CNTN4: variants seen among roughly 807,000 people sequenced by gnomAD.
CNTN4 encodes the protein contactin-4.
Under a neutral mutation model 122.5 loss-of-function variants are expected in CNTN4, and 77 were observed. That is an observed-to-expected ratio of 0.63 (90% CI 0.52 to 0.76). The LOEUF (loss-of-function observed/expected upper bound fraction) is 0.76. CNTN4 is among the 30% of genes least tolerant of loss of function. The pLI, the probability that CNTN4 is intolerant of heterozygous loss-of-function variation, is 0.00. For synonymous variants in CNTN4, 512 were observed against 447.0 expected, an observed-to-expected ratio of 1.15 and a Z score of -1.83; for missense variants, 1,256 against 1,259.1, an observed-to-expected ratio of 1.00 and a Z score of 0.04.
At chr3:2,916,197 CT>C (rs1287301205) in intron 12 of CNTN4, among the ~76,000 whole-genome samples, 1 of 151,154 alleles carries the variant, frequency 6.6e-6, no homozygotes, top group African/African-American at 2.4e-5. Flanking sequence ...TTTTCTTTTT[CT>C]TTTTTTCAAT....
chr3:2,394,127 G>A (rs1047412122), intron 3 of CNTN4, among the ~76,000 whole-genome samples: 8 of 151,456 alleles, frequency 5.3e-5, no homozygotes, highest in Non-Finnish European at 8.8e-5. Flanking sequence ...GCATATTAAT[G>A]AACATGAATT....
intron 4 of CNTN4, among the ~76,000 whole-genome samples, chr3:2,629,784 T>A (rs1416711009): frequency 6.6e-6 from 1 of 152,188 alleles, no homozygotes; most frequent in African/African-American, 2.4e-5. Context: ...GTTTGTTTTC[T>A]AAAGGGGAAT....
At chr3:2,273,890 A>G (rs566266711) in intron 2 of CNTN4, among the ~76,000 whole-genome samples, 2 of 152,300 alleles carry the variant, frequency 1.3e-5, no homozygotes, top group South Asian at 4.1e-4. Flanking sequence ...GGTATCTAAG[A>G]TAGAAGAATT....
intron 3 of CNTN4, among the ~76,000 whole-genome samples, chr3:2,455,604 G>A (rs559040529): frequency 1.3e-5 from 2 of 152,006 alleles, no homozygotes; most frequent in East Asian, 3.8e-4. Context: ...TACTGTTAAG[G>A]TTTTACTGTT....
intron 3 of CNTN4, among the ~76,000 whole-genome samples, chr3:2,420,575 A>G (rs2047578811): frequency 6.6e-6 from 1 of 152,018 alleles, no homozygotes; most frequent in Non-Finnish European, 1.5e-5. Flanking sequence ...AGCTGGGACT[A>G]CAGACATGCA....
intron 7 of CNTN4, among the ~76,000 whole-genome samples, chr3:2,822,447 T>G (rs1478354826): frequency 6.6e-6 from 1 of 152,136 alleles, no homozygotes; most frequent in Non-Finnish European, 1.5e-5. Context: ...AGGCCTGTCC[T>G]TTATATGAGA....
At chr3:2,825,962 G>A (rs1353706650) in intron 7 of CNTN4, among the ~76,000 whole-genome samples, 2 of 152,088 alleles carry the variant, frequency 1.3e-5, no homozygotes, top group Non-Finnish European at 2.9e-5. Flanking sequence ...ACGAACATCT[G>A]TAGAGTCCTT....
At chr3:2,990,651 C>G (rs1350371325) in intron 14 of CNTN4, among the ~76,000 whole-genome samples, 2 of 152,172 alleles carry the variant, frequency 1.3e-5, no homozygotes, top group Non-Finnish European at 2.9e-5. Context: ...TGTGCAGATC[C>G]CTGCTGCTCA....
At chr3:2,336,244 T>C (rs1268755667) in intron 2 of CNTN4, among the ~76,000 whole-genome samples, 1 of 151,820 alleles carries the variant, frequency 6.6e-6, no homozygotes, top group African/African-American at 2.4e-5. Flanking sequence ...GGTGGCAGAG[T>C]AGAGTAGTAA....
intron 2 of CNTN4, among the ~76,000 whole-genome samples, chr3:2,303,805 T>C (rs2042608549): frequency 6.6e-6 from 1 of 152,156 alleles, no homozygotes; most frequent in Non-Finnish European, 1.5e-5. Context: ...TGATTCTGCC[T>C]AGCTGAGATC....
At chr3:2,708,521 G>A (rs972623628) in intron 4 of CNTN4, among the ~76,000 whole-genome samples, 2 of 152,188 alleles carry the variant, frequency 1.3e-5, no homozygotes, top group Non-Finnish European at 1.5e-5. Flanking sequence ...TGGGAGATAA[G>A]CAATCACTTC....
rs575192976 is a variant in CNTN4 at position 2,300,560 on chromosome 3, CTTTTTTTTTTTTTT to C, written c.-144-38601_-144-38588del. ...ATGAGTTTATTTACACAGTGACCGTCTTTTTTTTTTTTTTTTTTTTTTTTTTTTTTGAGATGGAG... is the reference window on the plus strand; with the variant it reads ...ATGAGTTTATTTACACAGTGACCGTCTTTTTTTTTTTTTTTTGAGATGGAG... On this transcript the variant is annotated intron_variant, in intron 2 of 24. Coordinates refer to ENST00000418658, the MANE Select transcript of CNTN4 (RefSeq NM_175607.3). Among the ~76,000 whole-genome samples the C allele has an allele frequency of 6.9e-3, 431 of 62,024 alleles. 4 individuals are homozygous for C. Among genetic ancestry groups the C allele is most frequent in the African/African-American group, 0.024 (406 of 17,156 alleles). 40.7% of individuals were successfully genotyped at this position (62,024 alleles called of 152,430 possible).
intron 2 of CNTN4, among the ~76,000 whole-genome samples, chr3:2,160,433 G>T (rs1244623401): frequency 6.6e-6 from 1 of 152,096 alleles, no homozygotes. Context: ...TAGTTATCTT[G>T]CTATGACTTC....
chr3:2,799,499 G>A (rs1248161084), intron 6 of CNTN4, among the ~76,000 whole-genome samples: 3 of 151,874 alleles, frequency 2.0e-5, no homozygotes, highest in Non-Finnish European at 4.4e-5. Context: ...GTCTCACTCT[G>A]TCACCCAGGC....
At chr3:2,840,529 T>C (rs1021411177) in intron 7 of CNTN4, among the ~76,000 whole-genome samples, 2 of 83,776 alleles carry the variant, frequency 2.4e-5, no homozygotes, top group African/African-American at 6.7e-5. Flanking sequence ...TGAAACCCCG[T>C]CTCTACTAAA....
intron 14 of CNTN4, among the ~76,000 whole-genome samples, chr3:3,011,624 C>G (rs1475047666): frequency 6.6e-6 from 1 of 152,168 alleles, no homozygotes; most frequent in African/African-American, 2.4e-5. Context: ...ATGATACTTT[C>G]ACTAGCAACA....
At chr3:2,292,674 A>G (rs1383647044) in intron 2 of CNTN4, among the ~76,000 whole-genome samples, 2 of 152,216 alleles carry the variant, frequency 1.3e-5, no homozygotes, top group African/African-American at 4.8e-5. Flanking sequence ...AGCATATAGT[A>G]TATACTCTTC....
intron 4 of CNTN4, among the ~76,000 whole-genome samples, chr3:2,695,184 T>A (rs1343550773): frequency 6.6e-6 from 1 of 152,206 alleles, no homozygotes; most frequent in African/African-American, 2.4e-5. Context: ...ACTTTGTATA[T>A]TTGGGCCCTT....
rs575787728 is a variant in CNTN4 at position 2,517,340 on chromosome 3, A to C, written c.-88-54076A>C. Among the ~76,000 whole-genome samples the C allele has an allele frequency of 9.2e-5, 14 of 152,246 alleles. No homozygotes were observed. The East Asian group carries it at 2.3e-3, about 25-fold the overall frequency. The stretch of plus-strand genomic sequence containing the variant: ...TATGTATTTATGGAAACTATATAGC[A>C]GTTTTTACAGGCTGCCAGTAAATTA... On this transcript the variant is annotated intron_variant, in intron 3 of 24. Transcript: ENST00000418658.
Sources: gnomAD v4.1 joint callset for allele counts (sites outside exome capture counted in the v4.1 genomes callset) on GRCh38, gnomAD v4.1.1 for gene constraint, MANE v1.5 for transcripts, NCBI Gene and HGNC (gene_info 2026-07-23, HGNC 2026-07-21) for gene names.